Variants in ZBBX observed in about 807,000 individuals in gnomAD.
ZBBX encodes the protein zinc finger B-box domain containing.
A neutral mutation model predicts 108.5 loss-of-function variants in ZBBX; 101 were observed. That is an observed-to-expected ratio of 0.93 (90% CI 0.79 to 1.10). ZBBX has a LOEUF of 1.10. Ranked by LOEUF, ZBBX falls within the 50% of genes least tolerant of loss-of-function variation. The probability of loss-of-function intolerance (pLI) is 0.00; values close to 1 mark genes in which losing one functional copy is unlikely to be tolerated. For missense variants in ZBBX, 1,009 were observed against 941.4 expected (o/e 1.07, Z -0.94); for synonymous variants, 356 against 323.4 (o/e 1.10, Z -1.08).
At position 167,270,761 on chromosome 3, in the gene ZBBX, GCTTA is replaced by G. The variant is rs142135075; in HGVS notation, c.2254+11473_2254+11476del. ...TACTAAATCAAAAAGCTGGGAGGTG[GCTTA>G]CTGACTCCAGAATCCTGAAATATGA... On this transcript the variant is annotated intron_variant, in intron 20 of 21. Coordinates refer to ENST00000675490, the MANE Select transcript of ZBBX (RefSeq NM_001199201.2). Among the ~76,000 whole-genome samples, 878 of 152,286 alleles carry G rather than the reference GCTTA, an allele frequency of 5.8e-3. 6 individuals are homozygous for G. Among genetic ancestry groups the G allele is most frequent in the African/African-American group, 0.02 (834 of 41,558 alleles).
chr3:167,404,320 A>C (rs953206826), intron 1 of ZBBX, among the ~76,000 whole-genome samples: 1 of 152,236 alleles, frequency 6.6e-6, no homozygotes, highest in Non-Finnish European at 1.5e-5. Context: ...GCGAATCTAC[A>C]GAAGACATTA....
intron 10 of ZBBX, among the ~76,000 whole-genome samples, chr3:167,331,976 A>G (rs1297538999): frequency 6.6e-6 from 1 of 152,194 alleles, no homozygotes; most frequent in African/African-American, 2.4e-5. Context: ...AGGCCATAAG[A>G]GAAGCATCAG....
At chr3:167,298,117 C>T (rs1731989376) in intron 18 of ZBBX, among the ~76,000 whole-genome samples, 188 bp downstream of exon 18, 1 of 151,972 alleles carries the variant, frequency 6.6e-6, no homozygotes, top group Non-Finnish European at 1.5e-5. Context: ...AAAATCTTTC[C>T]TAGTTTCATT....
At chr3:167,348,372 A>AAAGAAAGAAGAAAGAAAG (rs1560163843) in intron 9 of ZBBX, among the ~76,000 whole-genome samples, 146 of 104,808 alleles carry the variant, frequency 1.4e-3, no homozygotes, top group African/African-American at 4.5e-3. Flanking sequence ...AAGAAAGAAA[A>AAAGAAAGAAGAAAGAAAG]AAAAGAAAAG....
intron 20 of ZBBX, among the ~76,000 whole-genome samples, chr3:167,258,434 C>T (rs1723895951): frequency 6.6e-6 from 1 of 152,044 alleles, no homozygotes; most frequent in African/African-American, 2.4e-5. Context: ...ATCCCAGCAC[C>T]ATTTGTTTAA....
At chr3:167,289,638 C>T (rs1362031577) in intron 18 of ZBBX, among the ~76,000 whole-genome samples, 1 of 152,176 alleles carries the variant, frequency 6.6e-6, no homozygotes, top group African/African-American at 2.4e-5. Flanking sequence ...CCTACACCAC[C>T]AGGGACCTTG....
the ZBBX span, among the ~76,000 whole-genome samples, chr3:167,209,239 A>G: frequency 6.6e-6 from 1 of 152,032 alleles, no homozygotes; most frequent in East Asian, 1.9e-4. Flanking sequence ...CCTTGAGTAA[A>G]CTGAGGTGTT....
the ZBBX span, among the ~76,000 whole-genome samples, chr3:167,183,642 G>A: frequency 6.6e-6 from 1 of 152,234 alleles, no homozygotes; most frequent in African/African-American, 2.4e-5. Context: ...GGGAAACTAA[G>A]GGATGGGCTC....
At chr3:167,381,131 C>T (rs1026158192), upstream of ZBBX, among the ~76,000 whole-genome samples, 1 of 152,000 alleles carries the variant, frequency 6.6e-6, no homozygotes, top group Non-Finnish European at 1.5e-5. Flanking sequence ...CTAATCTTTA[C>T]ACCATTACTT....
the ZBBX span, among the ~76,000 whole-genome samples, chr3:167,205,358 T>C: frequency 6.6e-6 from 1 of 151,966 alleles, no homozygotes; most frequent in African/African-American, 2.4e-5. Context: ...AGCATGAGAA[T>C]GTAAGCCATG....
At chr3:167,359,328 A>C (rs778706177) in intron 8 of ZBBX, among the ~76,000 whole-genome samples, 35 of 152,194 alleles carry the variant, frequency 2.3e-4, no homozygotes, top group Admixed American at 1.9e-3. Context: ...TTTCCAGGGT[A>C]AAGGTAATCT....
chr3:167,188,522 T>C, the ZBBX span, among the ~76,000 whole-genome samples: 5 of 152,162 alleles, frequency 3.3e-5, no homozygotes, highest in Non-Finnish European at 7.4e-5. Context: ...TTTGATCAGT[T>C]TGTGATCAGC....
chr3:167,346,966 G>C (rs772191567), intron 9 of ZBBX, among the ~76,000 whole-genome samples: 17 of 151,850 alleles, frequency 1.1e-4, no homozygotes, highest in Admixed American at 8.6e-4. Flanking sequence ...GGCAAGACCA[G>C]AATAAAGGAG....
At chr3:167,387,940 C>T (rs1250294316) in intron 1 of ZBBX, among the ~76,000 whole-genome samples, 1 of 151,960 alleles carries the variant, frequency 6.6e-6, no homozygotes, top group East Asian at 1.9e-4. Context: ...TTCAAACATG[C>T]CATTGGATAC....
intron 18 of ZBBX, among the ~76,000 whole-genome samples, chr3:167,295,430 T>C (rs1731468183): frequency 2.0e-5 from 3 of 151,808 alleles, no homozygotes; most frequent in Non-Finnish European, 2.9e-5. Flanking sequence ...CTCAGCAAAC[T>C]ATCACAAGAA....
chr3:167,263,703 G>A (rs976598591), intron 20 of ZBBX, among the ~76,000 whole-genome samples: 1 of 152,344 alleles, frequency 6.6e-6, no homozygotes, highest in East Asian at 1.9e-4. Context: ...GCTGTTGGAT[G>A]AAATGTTCTG....
intron 20 of ZBBX, among the ~76,000 whole-genome samples, chr3:167,253,413 T>G (rs1201239336): frequency 6.6e-6 from 1 of 152,126 alleles, no homozygotes; most frequent in Non-Finnish European, 1.5e-5. Context: ...TGAAAAATCT[T>G]AACAGAGACA....
chr3:167,223,897 C>G, the ZBBX span, among the ~76,000 whole-genome samples: 2 of 151,852 alleles, frequency 1.3e-5, no homozygotes, highest in Non-Finnish European at 2.9e-5. Flanking sequence ...GATTTCTCTA[C>G]GGTAGTTAAT....
chr3:167,219,399 G>T, the ZBBX span, among the ~76,000 whole-genome samples: 1 of 151,736 alleles, frequency 6.6e-6, no homozygotes, highest in Admixed American at 6.6e-5. Context: ...GTCTTTAAAA[G>T]TTCAAAAAAA....
Sources: allele counts gnomAD v4.1 joint callset (sites outside exome capture counted in the v4.1 genomes callset), GRCh38; gene constraint gnomAD v4.1.1; transcripts MANE v1.5; gene names NCBI Gene and HGNC (gene_info 2026-07-23, HGNC 2026-07-21).